TUNAR: variants seen among roughly 807,000 people sequenced by gnomAD.
TUNAR encodes transmembrane neural differentiation associated intracellular calcium regulator, also known as protein TUNAR.
At chr14:95,918,421 C>G (rs1889639693) in intron 2 of TUNAR, among the ~76,000 whole-genome samples, 2 of 152,216 alleles carry the variant, frequency 1.3e-5, no homozygotes, top group Admixed American at 6.5e-5. Context: ...ATCCTCCAGA[C>G]CCTGGCCAGA....
At chr14:95,912,734 G>C (rs1294591306) in intron 2 of TUNAR, among the ~76,000 whole-genome samples, 1 of 152,178 alleles carries the variant, frequency 6.6e-6, no homozygotes, top group Non-Finnish European at 1.5e-5. Flanking sequence ...AAGTAGAACT[G>C]AATTTTAATA....
intron 2 of TUNAR, among the ~76,000 whole-genome samples, chr14:95,886,985 G>A (rs1035722485): frequency 6.6e-6 from 1 of 152,156 alleles, no homozygotes; most frequent in Admixed American, 6.5e-5. Context: ...TGAAGCTTGT[G>A]TGGAAGTTGA....
chr14:95,910,920 G>C (rs780354587), intron 2 of TUNAR, among the ~76,000 whole-genome samples: 3 of 152,250 alleles, frequency 2.0e-5, no homozygotes, highest in Non-Finnish European at 2.9e-5. Context: ...TAGACATTTA[G>C]TCCTGGAGAG....
At chr14:95,905,107 G>A (rs1355264174) in intron 2 of TUNAR, among the ~76,000 whole-genome samples, 4 of 152,304 alleles carry the variant, frequency 2.6e-5, no homozygotes, top group Admixed American at 6.5e-5. Context: ...CATTCAATAA[G>A]GGACTTAAAC....
intron 2 of TUNAR, among the ~76,000 whole-genome samples, chr14:95,899,257 T>A (rs919862198): frequency 6.6e-6 from 1 of 152,132 alleles, no homozygotes; most frequent in Non-Finnish European, 1.5e-5. Context: ...GGATGGTTGG[T>A]GGCTTCTCAT....
At chr14:95,884,408 G>T (rs1032015332) in intron 2 of TUNAR, among the ~76,000 whole-genome samples, 9 of 152,288 alleles carry the variant, frequency 5.9e-5, no homozygotes, top group African/African-American at 2.2e-4. Context: ...GCAAGGCAGG[G>T]TGCCAGCCCT....
chr14:95,914,993 G>C (rs1889578295), intron 2 of TUNAR, among the ~76,000 whole-genome samples: 1 of 152,188 alleles, frequency 6.6e-6, no homozygotes, highest in South Asian at 2.1e-4. Flanking sequence ...GTTCCAGTGG[G>C]TGCAAGCTAA....
chr14:95,878,616 G>A (rs141811910), intron 2 of TUNAR, among the ~76,000 whole-genome samples: 172 of 152,324 alleles, frequency 1.1e-3, no homozygotes, highest in South Asian at 2.5e-3. Flanking sequence ...TCATTTGGAC[G>A]AACATTCTAC....
At chr14:95,918,380 T>C (rs1889639099) in intron 2 of TUNAR, among the ~76,000 whole-genome samples, 1 of 152,256 alleles carries the variant, frequency 6.6e-6, no homozygotes, top group Non-Finnish European at 1.5e-5. Flanking sequence ...GCTAATCTCC[T>C]GGATTCTATG....
At chr14:95,881,798 G>A (rs1241743758) in intron 2 of TUNAR, among the ~76,000 whole-genome samples, 1 of 152,186 alleles carries the variant, frequency 6.6e-6, no homozygotes, top group Admixed American at 6.5e-5. Flanking sequence ...CCAGAGTCCT[G>A]TTGGTAACAC....
rs1889254848 is a variant in TUNAR, at chr14:95,895,834, C to T, written c.12+18657C>T. The T allele has an allele frequency of 6.6e-6, 1 of 152,406 alleles. No individual in the cohort carries two copies. The highest frequency in any genetic ancestry group is 2.4e-5 in the African/African-American group (1 of 41,454). 9.4% of individuals were successfully genotyped at this position (152,406 alleles called of 1,614,324 possible). On this transcript the variant is annotated intron_variant, in intron 2 of 2. Transcript: ENST00000678517. The surrounding 1 kb of genome is among the most constrained non-coding windows in gnomAD (Gnocchi z 4.5). ...AGATCTCAGCCCGCTGTCGCCTTCT[C>T]TCTGACCCTGGTCCCTTCCACTGCA...
chr14:95,894,421 C>T (rs952128283), intron 2 of TUNAR, among the ~76,000 whole-genome samples: 1 of 152,160 alleles, frequency 6.6e-6, no homozygotes, highest in Non-Finnish European at 1.5e-5. Flanking sequence ...GGTCCCCGTT[C>T]CCCAGGCACC....
At chr14:95,914,213 A>C (rs1284791949) in intron 2 of TUNAR, among the ~76,000 whole-genome samples, 2 of 152,210 alleles carry the variant, frequency 1.3e-5, no homozygotes, top group African/African-American at 4.8e-5. Flanking sequence ...GGATGATCTG[A>C]AGCTGGGAGG....
intron 2 of TUNAR, among the ~76,000 whole-genome samples, chr14:95,893,245 A>C (rs1889209933): frequency 6.6e-6 from 1 of 151,978 alleles, no homozygotes; most frequent in South Asian, 2.1e-4. Context: ...GGAAAAGAGG[A>C]AGCTTCCTTT....
intron 2 of TUNAR, among the ~76,000 whole-genome samples, chr14:95,889,469 C>T (rs2369329): frequency 6.6e-6 from 1 of 150,946 alleles, no homozygotes; most frequent in Non-Finnish European, 1.5e-5. Flanking sequence ...TCTCCCTCCC[C>T]CTCCTCCTCC....
At chr14:95,881,348 G>T (rs535289469) in intron 2 of TUNAR, among the ~76,000 whole-genome samples, 1 of 152,170 alleles carries the variant, frequency 6.6e-6, no homozygotes, top group Non-Finnish European at 1.5e-5. Flanking sequence ...AATTCTCCTG[G>T]GTCCCACATT....
intron 2 of TUNAR, among the ~76,000 whole-genome samples, chr14:95,896,968 G>A (rs918789306): frequency 4.6e-5 from 7 of 152,148 alleles, no homozygotes; most frequent in Admixed American, 3.9e-4. Flanking sequence ...GCCATGATTC[G>A]GGCTTGCGTT....
chr14:95,908,947 C>T (rs1162781977), intron 2 of TUNAR, among the ~76,000 whole-genome samples: 3 of 152,044 alleles, frequency 2.0e-5, no homozygotes, highest in South Asian at 2.1e-4. Context: ...GGCAGGTAGG[C>T]GGGGGGTGAC....
exon 1 of TUNAR, chr14:95,876,513 C>T (rs1490710174): frequency 6.6e-6 from 1 of 152,360 alleles, no homozygotes; most frequent in Non-Finnish European, 1.5e-5. Context: ...ACCCCGACGC[C>T]GCCAGCCCCT....
Sources: gnomAD v4.1 joint callset for allele counts (sites outside exome capture counted in the v4.1 genomes callset) on GRCh38, gnomAD v4.1.1 for gene constraint, Gnocchi (gnomAD v3.1) non-coding constraint, MANE v1.5 for transcripts, NCBI Gene and HGNC (gene_info 2026-07-23, HGNC 2026-07-21) for gene names.